Variants in SNX4 observed in about 807,000 individuals in gnomAD.
SNX4 encodes the protein sorting nexin 4.
SNX4 carries 49 observed loss-of-function variants against 70.8 expected under a neutral mutation model. The observed-to-expected ratio is 0.69, with a 90% confidence interval of 0.55 to 0.88. SNX4 has a LOEUF of 0.88. SNX4 is among the 40% of genes least tolerant of loss of function. The probability of loss-of-function intolerance (pLI) is 0.00; values close to 1 mark genes in which losing one functional copy is unlikely to be tolerated. For missense variants in SNX4, 528 were observed against 544.8 expected, an observed-to-expected ratio of 0.97 and a Z score of 0.31; for synonymous variants, 206 against 183.8, an observed-to-expected ratio of 1.12 and a Z score of -0.98.
intron 2 of SNX4, among the ~76,000 whole-genome samples, chr3:125,499,117 A>T (rs534697625): frequency 1.3e-5 from 2 of 152,350 alleles, no homozygotes; most frequent in South Asian, 4.1e-4. Flanking sequence ...GCCATGTCTC[A>T]TACATACAAA....
intron 9 of SNX4, among the ~76,000 whole-genome samples, chr3:125,465,002 C>T (rs1306243163): frequency 1.3e-5 from 2 of 152,056 alleles, no homozygotes; most frequent in Admixed American, 1.3e-4. Flanking sequence ...ACCTTGGCCT[C>T]CCAAAGTACT....
chr3:125,492,254 A>C (rs1405862733), intron 5 of SNX4, among the ~76,000 whole-genome samples: 3 of 152,120 alleles, frequency 2.0e-5, no homozygotes, highest in Non-Finnish European at 2.9e-5. Flanking sequence ...AAGCACACCC[A>C]GTCTGGGCCT....
chr3:125,485,448 C>T (rs987493262), intron 6 of SNX4, among the ~76,000 whole-genome samples: 14 of 152,058 alleles, frequency 9.2e-5, no homozygotes, highest in Admixed American at 5.2e-4. Flanking sequence ...CAGGCATGTG[C>T]CACCATGCCT....
intron 5 of SNX4, among the ~76,000 whole-genome samples, chr3:125,496,943 A>C (rs1404249813): frequency 6.6e-6 from 1 of 152,166 alleles, no homozygotes; most frequent in East Asian, 1.9e-4. Context: ...TATGTGATAG[A>C]GTGAGCAACT....
chr3:125,490,116 G>C (rs969115887), intron 5 of SNX4, among the ~76,000 whole-genome samples: 2 of 151,998 alleles, frequency 1.3e-5, no homozygotes, highest in Non-Finnish European at 2.9e-5. Flanking sequence ...ACGACAGAGA[G>C]AGACTCCATC....
At chr3:125,462,785 G>A (rs1233644821) in intron 9 of SNX4, among the ~76,000 whole-genome samples, 1 of 152,094 alleles carries the variant, frequency 6.6e-6, no homozygotes, top group Admixed American at 6.5e-5. Flanking sequence ...AGATAATGCA[G>A]GACAAGTGAG....
chr3:125,492,392 G>C (rs1289934082), intron 5 of SNX4, among the ~76,000 whole-genome samples: 3 of 151,966 alleles, frequency 2.0e-5, no homozygotes. Context: ...GGTTTGCCCA[G>C]GAGAGTCCTG....
intron 9 of SNX4, among the ~76,000 whole-genome samples, chr3:125,467,389 A>G (rs1934054649): frequency 6.6e-6 from 1 of 151,998 alleles, no homozygotes; most frequent in Non-Finnish European, 1.5e-5. Flanking sequence ...TCCATCTCAG[A>G]AAAAATGAAA....
At chr3:125,513,825 CA>C (rs11359917) in intron 1 of SNX4, among the ~76,000 whole-genome samples, 71,673 of 151,846 alleles carry the variant, frequency 0.47, 17,099 homozygotes, top group African/African-American at 0.54. Context: ...ATGCTTACTT[CA>C]AGCAGTAAAT....
intron 5 of SNX4, among the ~76,000 whole-genome samples, chr3:125,491,712 C>A (rs1213458143): frequency 5.3e-5 from 8 of 152,118 alleles, no homozygotes; most frequent in Non-Finnish European, 1.2e-4. Flanking sequence ...CTAAAGATGC[C>A]CCTTAATTCA....
At chr3:125,452,086 G>C (rs1933588058) in intron 12 of SNX4, among the ~76,000 whole-genome samples, 1 of 151,532 alleles carries the variant, frequency 6.6e-6, no homozygotes, top group African/African-American at 2.4e-5. Flanking sequence ...CTTTTGACAA[G>C]ATGGATTATG....
At chr3:125,517,851 C>T (rs1282484417) in intron 1 of SNX4, among the ~76,000 whole-genome samples, 1 of 152,102 alleles carries the variant, frequency 6.6e-6, no homozygotes, top group Non-Finnish European at 1.5e-5. Context: ...TGGCACACAC[C>T]TGTAATCCCA....
intron 6 of SNX4, among the ~76,000 whole-genome samples, chr3:125,484,034 T>C (rs571041776): frequency 5.8e-4 from 89 of 152,318 alleles, no homozygotes; most frequent in Non-Finnish European, 8.4e-4. Context: ...CAGTCCATAC[T>C]AGGAAGATGG....
At chr3:125,474,841 T>TC (rs11455248) in intron 8 of SNX4, among the ~76,000 whole-genome samples, 68,389 of 151,774 alleles carry the variant, frequency 0.45, 15,561 homozygotes, top group Admixed American at 0.52. Flanking sequence ...TTATGTTAAT[T>TC]CCCCCCCACA....
intron 1 of SNX4, 59 bp downstream of exon 1, chr3:125,519,973 A>AGCCCC: frequency 1.6e-6 from 1 of 637,446 alleles, no homozygotes; most frequent in Non-Finnish European, 2.3e-6. Context: ...AGCCCAGCCC[A>AGCCCC]GCCCGGCCCG....
At chr3:125,488,687 A>T (rs1160819334) in intron 6 of SNX4, among the ~76,000 whole-genome samples, 1 of 152,216 alleles carries the variant, frequency 6.6e-6, no homozygotes, top group East Asian at 1.9e-4. Flanking sequence ...TACACAATGT[A>T]GAAATTAGTG....
At chr3:125,466,337 C>A (rs1484199010) in intron 9 of SNX4, among the ~76,000 whole-genome samples, 5 of 146,372 alleles carry the variant, frequency 3.4e-5, no homozygotes, top group African/African-American at 5.1e-5. Context: ...AAACCTATAA[C>A]TATTAACAAA....
At chr3:125,512,238 C>T (rs1221699546) in intron 1 of SNX4, among the ~76,000 whole-genome samples, 1 of 152,044 alleles carries the variant, frequency 6.6e-6, no homozygotes, top group Non-Finnish European at 1.5e-5. Flanking sequence ...ACATTCTGGC[C>T]CACAGCCAAG....
intron 1 of SNX4, 77 bp from the exon 2 acceptor site, chr3:125,504,821 A>G (rs1259849884): frequency 6.8e-7 from 1 of 1,473,100 alleles, no homozygotes; most frequent in East Asian, 2.4e-5. Flanking sequence ...AGCTATATAA[A>G]TTAAACCCAT....
Sources: allele counts gnomAD v4.1 joint callset (sites outside exome capture counted in the v4.1 genomes callset), GRCh38; gene constraint gnomAD v4.1.1; transcripts MANE v1.5; gene names NCBI Gene and HGNC (gene_info 2026-07-23, HGNC 2026-07-21).